STK24: variants seen among roughly 807,000 people sequenced by gnomAD.
The protein encoded by STK24 is serine/threonine-protein kinase 24.
Under a neutral mutation model 55.6 loss-of-function variants are expected in STK24, and 21 were observed. That is an observed-to-expected ratio of 0.38 (90% CI 0.27 to 0.54). STK24 has a LOEUF of 0.54. Ranked by LOEUF, STK24 falls within the 20% of genes least tolerant of loss-of-function variation. The probability of loss-of-function intolerance (pLI) is 0.79; values close to 1 mark genes in which losing one functional copy is unlikely to be tolerated. For synonymous variants in STK24, 200 were observed against 215.2 expected (o/e 0.93, Z 0.62); for missense variants, 383 against 538.4 (o/e 0.71, Z 2.86).
At chr13:98,540,517 C>T (rs79803384) in intron 1 of STK24, among the ~76,000 whole-genome samples, 1,598 of 152,080 alleles carry the variant, frequency 0.011, 26 homozygotes, top group African/African-American at 0.036. Flanking sequence ...AGCTGAAATG[C>T]CCAGTGGATG....
At chr13:98,523,533 G>A (rs980524622) in intron 1 of STK24, among the ~76,000 whole-genome samples, 2 of 151,902 alleles carry the variant, frequency 1.3e-5, no homozygotes, top group African/African-American at 4.9e-5. Context: ...GGCCCCAAGA[G>A]GACTTGCAGA....
chr13:98,461,121 A>C (rs1211715776), intron 8 of STK24, among the ~76,000 whole-genome samples: 1 of 152,116 alleles, frequency 6.6e-6, no homozygotes, highest in Non-Finnish European at 1.5e-5. Flanking sequence ...AATCAGGTCA[A>C]GATTGGCCAT....
At chr13:98,502,034 C>CT (rs1014858915) in intron 2 of STK24, among the ~76,000 whole-genome samples, 13 of 152,324 alleles carry the variant, frequency 8.5e-5, no homozygotes, top group Admixed American at 8.5e-4. Context: ...GCAGAAAACT[C>CT]TAAAAACTAA....
chr13:98,463,604 AC>A, intron 7 of STK24, 86 bp downstream of exon 7: 1 of 1,446,708 alleles, frequency 6.9e-7, no homozygotes, highest in Non-Finnish European at 9.2e-7. Context: ...AAAAAACTCA[AC>A]AGAAAACGAA....
At chr13:98,555,971 C>T (rs532792702) in intron 1 of STK24, among the ~76,000 whole-genome samples, 45 of 150,902 alleles carry the variant, frequency 3.0e-4, no homozygotes, top group Non-Finnish European at 5.2e-4. Flanking sequence ...CGTGAGCCAC[C>T]GTGCGGGCTA....
chr13:98,446,064 C>A lies in STK24; in HGVS notation c.*7109G>T. 1 of 1,466,390 alleles carries A rather than the reference C, an allele frequency of 6.8e-7. No homozygotes were observed. The highest frequency in any genetic ancestry group is 9.6e-7 in the Non-Finnish European group (1 of 1,046,556). 90.8% of individuals were successfully genotyped at this position (1,466,390 alleles called of 1,614,324 possible). A position where few individuals can be genotyped will look rare whatever the true frequency, so the allele number is the denominator to read the frequency against. ...TCTGTGCCCTCCTGGGGCAGGTGCC[C>A]GCTGTGCTTCTCACAGGCCTCCTTG... On this transcript the variant is annotated 3_prime_UTR_variant, in exon 11 of 11. Coordinates refer to ENST00000539966, the MANE Select transcript of STK24 (RefSeq NM_001032296.4).
At chr13:98,470,654 G>T (rs955315818) in intron 5 of STK24, among the ~76,000 whole-genome samples, 4 of 152,220 alleles carry the variant, frequency 2.6e-5, no homozygotes, top group African/African-American at 4.8e-5. Context: ...GCATGCTCCT[G>T]AGTGACCACC....
chr13:98,507,007 C>T (rs1327479284), intron 2 of STK24, among the ~76,000 whole-genome samples: 1 of 152,208 alleles, frequency 6.6e-6, no homozygotes, highest in Admixed American at 6.5e-5. Flanking sequence ...TGAGCAGAGG[C>T]CTGAGTGCAA....
chr13:98,486,164 C>A (rs1594601339), intron 2 of STK24, among the ~76,000 whole-genome samples: 1 of 150,854 alleles, frequency 6.6e-6, no homozygotes, highest in East Asian at 1.9e-4. Flanking sequence ...ATGTAATAAA[C>A]CTGCACGTTC....
At position 98,510,645 on chromosome 13, in the gene STK24, G is replaced by A. The variant is rs906436279; in HGVS notation, c.273+8598C>T. On this transcript the variant is annotated intron_variant, in intron 2 of 10. Transcript: ENST00000539966. ...AACAGAGCCCTTGAAAACATGCCGC[G>A]TGAAACAAACCAGACACAACAGGAC... 5.9e-5 allele frequency among the ~76,000 whole-genome samples: 9 copies of A among 152,150 alleles called. No individual in the cohort carries two copies. In the East Asian group the frequency reaches 7.7e-4, roughly 13 times the overall value.
intron 1 of STK24, among the ~76,000 whole-genome samples, chr13:98,543,503 G>A (rs1317837203): frequency 6.6e-6 from 1 of 152,220 alleles, no homozygotes; most frequent in Non-Finnish European, 1.5e-5. Context: ...CACTACGAAA[G>A]GTCAAACAGC....
rs758422476 is a variant in STK24, at chr13:98,475,237, G to T, written c.439+13C>A. The T allele has an allele frequency of 3.1e-6, 5 of 1,590,098 alleles. No homozygotes were observed. The African/African-American group carries it at 6.8e-5, about 22-fold the overall frequency. ...TCAGTATTTCAAAGGAATGAAAACG[G>T]ATGTCCTCTTACCTTTAATGTCTCT... On this transcript the variant is annotated intron_variant, in intron 4 of 10. Coordinates refer to ENST00000539966, the MANE Select transcript of STK24 (RefSeq NM_001032296.4).
chr13:98,570,898 C>T (rs547841607), intron 1 of STK24, among the ~76,000 whole-genome samples: 9 of 152,256 alleles, frequency 5.9e-5, no homozygotes, highest in East Asian at 5.8e-4. Context: ...GCTGATTCTA[C>T]GCGATGAGAC....
intron 1 of STK24, among the ~76,000 whole-genome samples, chr13:98,530,238 C>CTGAGG: frequency 6.6e-6 from 1 of 152,244 alleles, no homozygotes; most frequent in Middle Eastern, 3.4e-3. Flanking sequence ...CTAACAATTT[C>CTGAGG]TGAGGAGAAA....
intron 1 of STK24, among the ~76,000 whole-genome samples, chr13:98,523,430 G>C (rs1281134062): frequency 6.6e-6 from 1 of 152,148 alleles, no homozygotes; most frequent in Non-Finnish European, 1.5e-5. Context: ...ATGTGACTTG[G>C]GCACTCCTCC....
intron 1 of STK24, among the ~76,000 whole-genome samples, chr13:98,560,904 GA>G (rs67026041): frequency 0.11 from 14,013 of 130,572 alleles, 1,410 homozygotes; most frequent in African/African-American, 0.27. Flanking sequence ...TCAAAAAAAA[GA>G]AAAAAAAAAA....
intron 1 of STK24, among the ~76,000 whole-genome samples, chr13:98,555,471 C>G (rs919096477): frequency 1.3e-4 from 19 of 151,616 alleles, no homozygotes; most frequent in African/African-American, 4.1e-4. Context: ...CCCAGCTACT[C>G]GGGAGGCTGA....
rs536080760 is a variant in STK24, at chr13:98,464,725, G to C, written c.784-889C>G. Among the ~76,000 whole-genome samples the C allele has an allele frequency of 1.2e-4, 19 of 152,006 alleles. No homozygotes were observed. The South Asian group carries it at 4.0e-3, about 32-fold the overall frequency. ...TTAGCCAGGCTGGTCTTGAACTCCT[G>C]ACCTCAGGTGATGCACCTGCCTCGG... On this transcript the variant is annotated intron_variant, in intron 6 of 10. Transcript: ENST00000539966.
intron 5 of STK24, among the ~76,000 whole-genome samples, chr13:98,470,982 C>T (rs1470497097): frequency 3.9e-5 from 6 of 152,186 alleles, no homozygotes; most frequent in African/African-American, 4.8e-5. Flanking sequence ...CATCTAGAGG[C>T]GTATGTGATG....
Sources: gnomAD v4.1 joint callset for allele counts (sites outside exome capture counted in the v4.1 genomes callset) on GRCh38, gnomAD v4.1.1 for gene constraint, MANE v1.5 for transcripts, NCBI Gene and HGNC (gene_info 2026-07-23, HGNC 2026-07-21) for gene names.